HYDIN: variants seen among roughly 807,000 people sequenced by gnomAD.
HYDIN encodes HYDIN axonemal central pair apparatus protein, also known as axonemal central pair apparatus protein HYDIN.
In HYDIN, 132 loss-of-function variants were observed where a neutral mutation model predicts 403.9. The ratio of observed to expected loss-of-function variants is 0.33; its 90% confidence interval spans 0.28 to 0.38. The LOEUF is 0.38. HYDIN is among the 10% of genes least tolerant of loss of function. HYDIN has a pLI of 1.00. For synonymous variants in HYDIN, 1,202 were observed against 1,891.7 expected, an observed-to-expected ratio of 0.64 and a Z score of 9.46; for missense variants, 2,827 against 5,009.5, an observed-to-expected ratio of 0.56 and a Z score of 13.15.
At chr16:70,909,345 C>A (rs2076625415) in intron 47 of HYDIN, among the ~76,000 whole-genome samples, 1 of 152,016 alleles carries the variant, frequency 6.6e-6, no homozygotes, top group Admixed American at 6.6e-5. Context: ...ATAAGAAGTT[C>A]CCATTTTTCT....
intron 1 of HYDIN, among the ~76,000 whole-genome samples, chr16:71,197,644 C>T (rs886472414): frequency 2.0e-5 from 3 of 152,176 alleles, no homozygotes; most frequent in Non-Finnish European, 2.9e-5. Flanking sequence ...AGAGCACTGC[C>T]AACACCCCAG....
At chr16:71,170,057 G>C (rs1414373125) in intron 5 of HYDIN, among the ~76,000 whole-genome samples, 2 of 152,150 alleles carry the variant, frequency 1.3e-5, no homozygotes, top group Admixed American at 1.3e-4. Flanking sequence ...ACGTGGCCCT[G>C]CTTCAGCCTA....
intron 23 of HYDIN, among the ~76,000 whole-genome samples, chr16:71,015,693 G>A (rs940476795): frequency 4.0e-5 from 6 of 150,010 alleles, no homozygotes; most frequent in Non-Finnish European, 8.9e-5. Flanking sequence ...GCGAGCCATC[G>A]TTACCGTGGT....
chr16:70,993,055 C>T (rs2079410528), intron 23 of HYDIN, among the ~76,000 whole-genome samples: 1 of 152,270 alleles, frequency 6.6e-6, no homozygotes, highest in East Asian at 1.9e-4. Flanking sequence ...CTCAGAGGCT[C>T]AGCACAAATG....
chr16:70,875,032 C>G lies in HYDIN; in HGVS notation c.10558-113G>C, dbSNP rs535237223. ...GGCAGGACCCCAAAAAGGTATTATG[C>G]CTAGTATTCACTTTTTTGAATTTCT... On this transcript the variant is annotated intron_variant, in intron 62 of 85. Transcript: ENST00000393567. 2.5e-5 allele frequency: 27 copies of G among 1,093,230 alleles called. No homozygotes were observed. The South Asian group carries it at 5.2e-4, about 21-fold the overall frequency. The allele number at this position is 1,093,230 out of a possible 1,614,324, so 67.7% of individuals were successfully genotyped here. A position where few individuals can be genotyped will look rare whatever the true frequency, so the allele number is the denominator to read the frequency against.
intron 62 of HYDIN, among the ~76,000 whole-genome samples, chr16:70,875,614 TA>T (rs2040398850): frequency 6.6e-6 from 1 of 152,194 alleles, no homozygotes; most frequent in Non-Finnish European, 1.5e-5. Context: ...GCTTCTGAGA[TA>T]AAAAATTATG....
chr16:71,029,975 G>C (rs1327388875), intron 19 of HYDIN, among the ~76,000 whole-genome samples: 1 of 152,042 alleles, frequency 6.6e-6, no homozygotes, highest in Non-Finnish European at 1.5e-5. Flanking sequence ...AACTAGTGAT[G>C]GCGACATGAC....
At chr16:70,859,684 G>C (rs938985257) in intron 71 of HYDIN, among the ~76,000 whole-genome samples, 2 of 152,124 alleles carry the variant, frequency 1.3e-5, no homozygotes, top group Non-Finnish European at 2.9e-5. Context: ...TTTGCCCTTT[G>C]CCTAACCAAG....
Position 70,810,027 on chromosome 16 carries a change from A to G in HYDIN, c.14659-20T>C. The G allele has an allele frequency of 6.2e-7, 1 of 1,610,756 alleles. No individual in the cohort carries two copies. On this transcript the variant is annotated intron_variant, in intron 84 of 85. Transcript: ENST00000393567. The stretch of plus-strand genomic sequence containing the variant: ...CGTGCCCTGGAAGAGAAAACAGAGG[A>G]TCCTGTCATGCTGAAAGGCTAATTC...
chr16:70,820,971 G>T lies in HYDIN; in HGVS notation c.14428-2399C>A, dbSNP rs200485408. 3.3e-5 allele frequency among the ~76,000 whole-genome samples: 5 copies of T among 151,604 alleles called. No individual in the cohort carries two copies. The East Asian group carries it at 9.8e-4, about 30-fold the overall frequency. On this transcript the variant is annotated intron_variant, in intron 83 of 85. Transcript: ENST00000393567. ...GCCTTTAAAACAATGTTTAGTGGTTGCTCCAGAGCTAAAAATGAATCCTTA... is the reference window on the plus strand; with the variant it reads ...GCCTTTAAAACAATGTTTAGTGGTTTCTCCAGAGCTAAAAATGAATCCTTA...
chr16:70,901,269 A>C, intron 52 of HYDIN, 67 bp from the exon 53 acceptor site: 5 of 1,356,550 alleles, frequency 3.7e-6, no homozygotes, highest in Non-Finnish European at 5.2e-6. Flanking sequence ...TTTTTTTTTA[A>C]CTTTTGTTTT....
chr16:71,145,765 T>C (rs1316956027), intron 7 of HYDIN, among the ~76,000 whole-genome samples: 2 of 152,182 alleles, frequency 1.3e-5, no homozygotes, highest in Non-Finnish European at 2.9e-5. Flanking sequence ...TCTGCTATAG[T>C]GAAAGAACAC....
At chr16:70,966,839 G>C (rs1407094147) in intron 36 of HYDIN, among the ~76,000 whole-genome samples, 1 of 151,736 alleles carries the variant, frequency 6.6e-6, no homozygotes, top group Non-Finnish European at 1.5e-5. Context: ...AAGCTCCACT[G>C]TAAGGATTGG....
At chr16:70,890,652 C>A (rs1283667716) in intron 57 of HYDIN, among the ~76,000 whole-genome samples, 1 of 150,836 alleles carries the variant, frequency 6.6e-6, no homozygotes, top group Non-Finnish European at 1.5e-5. Context: ...TAAAAACCAT[C>A]CTTAATTTGC....
At chr16:71,182,492 T>C (rs2086949847) in intron 3 of HYDIN, among the ~76,000 whole-genome samples, 1 of 152,062 alleles carries the variant, frequency 6.6e-6, no homozygotes, top group Non-Finnish European at 1.5e-5. Context: ...CATTGGATCA[T>C]AAGATGTAAA....
chr16:70,907,675 G>GA (rs376675911), intron 49 of HYDIN, among the ~76,000 whole-genome samples, 184 bp from the exon 50 acceptor site: 29 of 147,992 alleles, frequency 2.0e-4, no homozygotes, highest in Non-Finnish European at 2.7e-4. Flanking sequence ...AAATGAACTT[G>GA]AAAAAAAAAG....
At chr16:70,877,476 A>G (rs1464199283) in intron 62 of HYDIN, among the ~76,000 whole-genome samples, 2 of 152,222 alleles carry the variant, frequency 1.3e-5, no homozygotes, top group Non-Finnish European at 2.9e-5. Flanking sequence ...GCAGTCCCCA[A>G]CCTTTTTGGC....
intron 75 of HYDIN, among the ~76,000 whole-genome samples, chr16:70,847,104 T>C (rs2038264652): frequency 6.6e-6 from 1 of 151,982 alleles, no homozygotes; most frequent in African/African-American, 2.4e-5. Context: ...GCTGGTGATT[T>C]TGCTCGTTAG....
At chr16:71,203,819 C>T (rs1443849971) in intron 1 of HYDIN, 3 of 455,718 alleles carry the variant, frequency 6.6e-6, no homozygotes, top group South Asian at 1.5e-5. Context: ...TTCCCCAGCA[C>T]ATTGGGAGGC....
Sources: allele counts gnomAD v4.1 joint callset (sites outside exome capture counted in the v4.1 genomes callset), GRCh38; gene constraint gnomAD v4.1.1; transcripts MANE v1.5; gene names NCBI Gene and HGNC (gene_info 2026-07-23, HGNC 2026-07-21).